EVC2: variants seen among roughly 807,000 people sequenced by gnomAD.
EVC2 encodes EvC ciliary complex subunit 2, also known as limbin.
EVC2 carries 148 observed loss-of-function variants against 149.3 expected under a neutral mutation model. The ratio of observed to expected loss-of-function variants is 0.99; its 90% CI spans 0.87 to 1.14. The LOEUF (loss-of-function observed/expected upper bound fraction) is 1.14, where lower values mean the gene tolerates loss of function less well. EVC2 is among the 50% of genes most tolerant of loss of function. EVC2 has a pLI of 0.00. For missense variants in EVC2, 1,854 were observed against 1,627.3 expected, an observed-to-expected ratio of 1.14 and a Z score of -2.40; for synonymous variants, 776 against 649.9, an observed-to-expected ratio of 1.19 and a Z score of -2.95.
At chr4:5,662,718 A>G (rs1024976578) in intron 9 of EVC2, among the ~76,000 whole-genome samples, 2 of 148,624 alleles carry the variant, frequency 1.3e-5, no homozygotes, top group Non-Finnish European at 3.0e-5. Context: ...ATTATTCAAT[A>G]ATTATCCAAT....
chr4:5,650,666 GAGAGA>G (rs1560196197), intron 9 of EVC2, among the ~76,000 whole-genome samples: 14 of 142,576 alleles, frequency 9.8e-5, no homozygotes, highest in African/African-American at 3.0e-4. Context: ...GAGAGAGAGA[GAGAGA>G]GCCATTTAAT....
chr4:5,631,431 C>T (rs1168253214), intron 11 of EVC2, among the ~76,000 whole-genome samples: 2 of 152,216 alleles, frequency 1.3e-5, no homozygotes, highest in Non-Finnish European at 2.9e-5. Context: ...ATGCCAAGCA[C>T]TAACTTTCCA....
intron 19 of EVC2, among the ~76,000 whole-genome samples, chr4:5,573,492 G>A (rs1722750285): frequency 6.6e-6 from 1 of 152,266 alleles, no homozygotes; most frequent in Admixed American, 6.5e-5. Flanking sequence ...AAGAAACAAG[G>A]ACCTCAGTCC....
rs1716075914 is a variant in EVC2, at chr4:5,625,927, A to G, written c.1887-19T>C. ...CCCTGCTCTAGATGGAAAGGATGTA[A>G]AGTTAGGAATGTGGTCTCCAAACTC... On this transcript the variant is annotated intron_variant, in intron 12 of 21. Coordinates refer to ENST00000344408, the MANE Select transcript of EVC2 (RefSeq NM_147127.5). The surrounding 1 kb of genome is among the most constrained non-coding windows in gnomAD (Gnocchi z 4.0). 1.9e-6 allele frequency: 3 copies of G among 1,613,580 alleles called. No individual in the cohort carries two copies. The highest frequency in any genetic ancestry group is 2.5e-6 in the Non-Finnish European group (3 of 1,180,024).
At chr4:5,581,618 A>G (rs898933023) in intron 17 of EVC2, among the ~76,000 whole-genome samples, 6 of 152,250 alleles carry the variant, frequency 3.9e-5, no homozygotes, top group Admixed American at 6.5e-5. Context: ...ACCTATGTTC[A>G]TATGTGTGAG....
intron 16 of EVC2, 78 bp from the exon 17 acceptor site, chr4:5,584,928 G>A: frequency 6.7e-7 from 1 of 1,485,802 alleles, no homozygotes; most frequent in Non-Finnish European, 9.3e-7. Context: ...CAGCCTTTCA[G>A]AGTTCACAGA....
intron 17 of EVC2, among the ~76,000 whole-genome samples, chr4:5,579,618 G>C (rs1306341634): frequency 1.3e-5 from 2 of 152,264 alleles, no homozygotes; most frequent in South Asian, 2.1e-4. Flanking sequence ...AAGGTGGGAG[G>C]ATCACTTGAG....
intron 9 of EVC2, among the ~76,000 whole-genome samples, chr4:5,656,395 G>A (rs531116482): frequency 8.5e-5 from 13 of 152,166 alleles, no homozygotes; most frequent in South Asian, 2.1e-4. Context: ...GAGATGTTGC[G>A]ATCACTTCCA....
At chr4:5,674,178 C>T (rs567386454) in intron 7 of EVC2, among the ~76,000 whole-genome samples, 12 of 152,310 alleles carry the variant, frequency 7.9e-5, no homozygotes, top group African/African-American at 2.6e-4. Flanking sequence ...GGCAAAGAGA[C>T]CCTTGGCCTC....
chr4:5,662,589 ATTTAT>A (rs1438351634), intron 9 of EVC2, among the ~76,000 whole-genome samples: 36 of 144,240 alleles, frequency 2.5e-4, no homozygotes, highest in Non-Finnish European at 6.0e-5. Context: ...TATTAATCAT[ATTTAT>A]TTTAATTATA....
intron 9 of EVC2, among the ~76,000 whole-genome samples, chr4:5,642,605 C>G (rs1380880990): frequency 1.3e-5 from 2 of 152,170 alleles, no homozygotes; most frequent in Non-Finnish European, 2.9e-5. Flanking sequence ...TTCCTCAGTA[C>G]AGATTCCCAT....
At chr4:5,571,673 G>C (rs77962637) in intron 19 of EVC2, among the ~76,000 whole-genome samples, 2,513 of 152,176 alleles carry the variant, frequency 0.017, 59 homozygotes, top group African/African-American at 0.056. Flanking sequence ...AGTACAAAAA[G>C]AAAACGGCAA....
intron 1 of EVC2, among the ~76,000 whole-genome samples, chr4:5,704,724 G>T (rs569157782): frequency 6.6e-5 from 10 of 152,254 alleles, no homozygotes; most frequent in African/African-American, 2.4e-4. Context: ...GTTGTTGTTT[G>T]AGAGAGGGTC....
chr4:5,576,641 T>TGCCTCCACATAGGCCGTTCCCTCCAC lies in EVC2; in HGVS notation c.3058-213_3058-188dup, dbSNP rs1722953912. 1.3e-5 allele frequency among the ~76,000 whole-genome samples: 2 copies of TGCCTCCACATAGGCCGTTCCCTCCAC among 152,194 alleles called. No individual in the cohort carries two copies. Among genetic ancestry groups the TGCCTCCACATAGGCCGTTCCCTCCAC allele is most frequent in the Non-Finnish European group, 2.9e-5 (2 of 68,034 alleles). ...ATCTCTCACCCCTGTGTCACCTCCATGCCTCCACATAGGCCGTTCCCTCCA... is the reference window on the plus strand; with the variant it reads ...ATCTCTCACCCCTGTGTCACCTCCATGCCTCCACATAGGCCGTTCCCTCCACGCCTCCACATAGGCCGTTCCCTCCA... On this transcript the variant is annotated intron_variant, in intron 17 of 21. Transcript: ENST00000344408. This position sits in a 1 kb window ranked among gnomAD's most constrained non-coding sequence, Gnocchi z 4.5.
At chr4:5,546,736 AAAGGGAACTGAC>A (rs1414975979) in intron 21 of EVC2, among the ~76,000 whole-genome samples, 3 of 152,164 alleles carry the variant, frequency 2.0e-5, no homozygotes, top group African/African-American at 7.2e-5. Context: ...TTGAAAAAAA[AAAGGGAACTGAC>A]ATAGCTATTA....
At chr4:5,655,334 C>T (rs757450501) in intron 9 of EVC2, among the ~76,000 whole-genome samples, 24 of 152,154 alleles carry the variant, frequency 1.6e-4, no homozygotes, top group Admixed American at 5.2e-4. Context: ...TGATACTGAT[C>T]CTTCCAGAAA....
chr4:5,650,638 T>TATAGAGAGAGAGAGAGAGAGAGAG (rs1162935817), intron 9 of EVC2, among the ~76,000 whole-genome samples: 1 of 45,090 alleles, frequency 2.2e-5, no homozygotes, highest in Non-Finnish European at 4.0e-5. Context: ...TATATATATA[T>TATAGAGAGAGAGAGAGAGAGAGAG]AGAGAGAGAG....
In EVC2 at chr4:5,685,396, G is replaced by A. The variant is rs760459672; in HGVS notation, c.790C>T (p.Gln264Ter). 1.2e-6 allele frequency: 2 copies of A among 1,614,210 alleles called. No homozygotes were observed. The highest frequency in any genetic ancestry group is 1.1e-5 in the South Asian group (1 of 91,080). The change falls in exon 6 of 22, where the codon CAA (glutamine) becomes TAA (stop). Residue 264 changes from glutamine (Q) to a stop codon, truncating the protein, a stop_gained. Coordinates refer to ENST00000344408, the MANE Select transcript of EVC2 (RefSeq NM_147127.5). LOFTEE classifies it high-confidence loss of function. ...GNGESLKLPA[Q>*]LTFQSSSRNR... is the part of the protein sequence containing the mutation. Reference sequence around the variant, plus strand: ...CGTGACGAGCTCTGAAAGGTGAGTTGGGCAGGAAGCTTGAGGCTCTCCCCG... The same window carrying A: ...CGTGACGAGCTCTGAAAGGTGAGTTAGGCAGGAAGCTTGAGGCTCTCCCCG...
chr4:5,544,246 AT>A (rs979617417), intron 21 of EVC2, among the ~76,000 whole-genome samples: 14 of 151,860 alleles, frequency 9.2e-5, no homozygotes, highest in African/African-American at 3.4e-4. Context: ...TGAAGTTGTT[AT>A]GGAAAAAAAA....
Sources: gnomAD v4.1 joint callset for allele counts (sites outside exome capture counted in the v4.1 genomes callset) on GRCh38, gnomAD v4.1.1 for gene constraint, Gnocchi (gnomAD v3.1) non-coding constraint, MANE v1.5 for transcripts, NCBI Gene and HGNC (gene_info 2026-07-23, HGNC 2026-07-21) for gene names.